Variants in NSG1 observed in about 807,000 individuals in gnomAD.
NSG1 encodes neuronal vesicle trafficking associated 1, also known as neuronal vesicle trafficking-associated protein 1.
Under a neutral mutation model 19.3 loss-of-function variants are expected in NSG1, and 9 were observed. That is an observed-to-expected ratio of 0.47 (90% confidence interval 0.28 to 0.81). The LOEUF (loss-of-function observed/expected upper bound fraction) is 0.81. NSG1 is among the 40% of genes least tolerant of loss of function. The probability of loss-of-function intolerance (pLI) is 0.11; values close to 1 mark genes in which losing one functional copy is unlikely to be tolerated. For missense variants in NSG1, 236 were observed against 242.4 expected (o/e 0.97, Z 0.18); for synonymous variants, 104 against 107.0 (o/e 0.97, Z 0.17).
intron 3 of NSG1, among the ~76,000 whole-genome samples, chr4:4,409,058 G>C (rs1724021713): frequency 1.3e-5 from 2 of 152,270 alleles, no homozygotes; most frequent in Non-Finnish European, 2.9e-5. Flanking sequence ...GAGGGCGAAG[G>C]CCAATGGGGC....
In NSG1 at chr4:4,409,693, C is replaced by G; in HGVS notation, c.357+10C>G. 1 of 1,606,744 alleles carries G rather than the reference C, an allele frequency of 6.2e-7. No homozygotes were observed. The highest frequency in any genetic ancestry group is 8.5e-7 in the Non-Finnish European group (1 of 1,173,300). ...TGGGTTCGTCCTCAAGGTAAAACTCCGTTTTCCCCCAGAGGCCCTGGGACG... is the reference window on the plus strand; with the variant it reads ...TGGGTTCGTCCTCAAGGTAAAACTCGGTTTTCCCCCAGAGGCCCTGGGACG... On this transcript the variant is annotated intron_variant, in intron 4 of 4. Transcript: ENST00000621129.
intron 3 of NSG1, among the ~76,000 whole-genome samples, chr4:4,396,801 C>T (rs1723273641): frequency 6.6e-6 from 1 of 151,638 alleles, no homozygotes; most frequent in Non-Finnish European, 1.5e-5. Flanking sequence ...TTTCAAGATG[C>T]ATTTCTTAAA....
chr4:4,409,007 C>T (rs985991816), intron 3 of NSG1, among the ~76,000 whole-genome samples: 3 of 152,290 alleles, frequency 2.0e-5, no homozygotes, highest in African/African-American at 7.2e-5. Context: ...AACCGAATCC[C>T]TGTCCCTGAG....
rs566867513 is a variant in NSG1 at position 4,409,033 on chromosome 4, A to T, written c.247-540A>T. On this transcript the variant is annotated intron_variant, in intron 3 of 4. Coordinates refer to ENST00000621129, the MANE Select transcript of NSG1 (RefSeq NM_014392.5). The stretch of plus-strand genomic sequence containing the variant: ...TGTCCCTGAGGACACTTAATTAACC[A>T]CATGGGAAACCGCCGAGGGCGAAGG... Among the ~76,000 whole-genome samples the T allele has an allele frequency of 8.5e-5, 13 of 152,372 alleles. No homozygotes were observed. In the East Asian group the frequency reaches 2.1e-3, roughly 25 times the overall value.
At position 4,417,736 on chromosome 4, in the gene NSG1, G is replaced by A. The variant is rs1190423598; in HGVS notation, c.*301G>A. 3 of 405,354 alleles carry A rather than the reference G, an allele frequency of 7.4e-6. No individual in the cohort carries two copies. Among genetic ancestry groups the A allele is most frequent in the African/African-American group, 2.0e-5 (1 of 48,970 alleles). 25.1% of individuals were successfully genotyped at this position (405,354 alleles called of 1,614,324 possible). A position where few individuals can be genotyped will look rare whatever the true frequency, so the allele number is the denominator to read the frequency against. The stretch of plus-strand genomic sequence containing the variant: ...AAAAATAAATTTACACTGGATATGC[G>A]AAGGGTTTGGATCTCAGATAAATGC... On this transcript the variant is annotated 3_prime_UTR_variant, in exon 5 of 5. Transcript: ENST00000621129.
chr4:4,386,902 T>G (rs1404599886), upstream of NSG1: 1 of 151,756 alleles, frequency 6.6e-6, no homozygotes, highest in African/African-American at 2.4e-5. Context: ...CAGGGGAGGC[T>G]CCCGCCCAGC....
chr4:4,398,348 A>G lies in NSG1; in HGVS notation c.246+6757A>G, dbSNP rs777471194. On this transcript the variant is annotated intron_variant, in intron 3 of 4. Coordinates refer to ENST00000621129, the MANE Select transcript of NSG1 (RefSeq NM_014392.5). ...TATTAAATTCAGTGCCATTTAATAC[A>G]TTCACCATGTTGTCCAACCACCATC... Among the ~76,000 whole-genome samples, 232 of 152,158 alleles carry G rather than the reference A, an allele frequency of 1.5e-3. 1 individual carries two copies. The highest frequency in any genetic ancestry group is 1.4e-3 in the Non-Finnish European group (94 of 68,034).
At chr4:4,407,772 T>C (rs1394900066) in intron 3 of NSG1, among the ~76,000 whole-genome samples, 3 of 152,056 alleles carry the variant, frequency 2.0e-5, no homozygotes, top group East Asian at 1.9e-4. Flanking sequence ...TGTCGTCCCA[T>C]GTCATAGGGA....
intron 3 of NSG1, 135 bp from the exon 4 acceptor site, chr4:4,409,438 C>T (rs1449617627): frequency 3.0e-6 from 2 of 667,150 alleles, no homozygotes; most frequent in Admixed American, 2.4e-5. Flanking sequence ...CCTCTTGTGC[C>T]TAGCTGCCCT....
chr4:4,396,368 G>A (rs1723249415), intron 3 of NSG1, among the ~76,000 whole-genome samples: 2 of 152,180 alleles, frequency 1.3e-5, no homozygotes, highest in Non-Finnish European at 1.5e-5. Flanking sequence ...GGTTGCTGAC[G>A]CTGGAGAGGT....
At chr4:4,406,624 G>A (rs997825340) in intron 3 of NSG1, among the ~76,000 whole-genome samples, 1 of 152,116 alleles carries the variant, frequency 6.6e-6, no homozygotes, top group African/African-American at 2.4e-5. Context: ...CCAGTGAGGA[G>A]ATGAGAGTGA....
chr4:4,387,561 C>CCGGGGGGGGGGGG, intron 1 of NSG1, 43 bp from the exon 2 acceptor site: 76 of 1,141,894 alleles, frequency 6.7e-5, no homozygotes, highest in Non-Finnish European at 7.4e-5. Context: ...CGCCCCGCCC[C>CCGGGGGGGGGGGG]GGGTCTTGCT....
intron 3 of NSG1, among the ~76,000 whole-genome samples, chr4:4,396,921 C>A (rs1039935794): frequency 8.5e-5 from 13 of 152,120 alleles, no homozygotes; most frequent in African/African-American, 3.1e-4. Flanking sequence ...GCCCCCTCAC[C>A]TTTAGCTATG....
At chr4:4,397,254 C>A (rs1723303048) in intron 3 of NSG1, among the ~76,000 whole-genome samples, 1 of 152,004 alleles carries the variant, frequency 6.6e-6, no homozygotes, top group African/African-American at 2.4e-5. Context: ...AGCCACCCAG[C>A]GCCGTCGACC....
chr4:4,408,405 GC>G (rs1553819041), intron 3 of NSG1, among the ~76,000 whole-genome samples: 1 of 152,190 alleles, frequency 6.6e-6, no homozygotes, highest in Non-Finnish European at 1.5e-5. Context: ...GAGCCCCATC[GC>G]TCTCTCTGCC....
At chr4:4,415,765 G>T in intron 4 of NSG1, 1 of 284,006 alleles carries the variant, frequency 3.5e-6, no homozygotes, top group South Asian at 3.8e-5. Flanking sequence ...GCAGGACTCT[G>T]CTGGGTGCCG....
chr4:4,392,118 C>T (rs896591589), intron 3 of NSG1, among the ~76,000 whole-genome samples: 1 of 152,088 alleles, frequency 6.6e-6, no homozygotes, highest in African/African-American at 2.4e-5. Flanking sequence ...AGGATCTGAT[C>T]TGCAGGGGGT....
intron 3 of NSG1, among the ~76,000 whole-genome samples, chr4:4,399,004 A>T (rs1295180043): frequency 1.3e-5 from 2 of 152,130 alleles, no homozygotes; most frequent in African/African-American, 2.4e-5. Flanking sequence ...GTAGTATCTC[A>T]TTATGGTTTT....
chr4:4,403,978 G>A (rs893714461), intron 3 of NSG1, among the ~76,000 whole-genome samples: 4 of 152,240 alleles, frequency 2.6e-5, no homozygotes, highest in African/African-American at 9.6e-5. Flanking sequence ...ACATGCGGGA[G>A]GCATCTGGAG....
Sources: allele counts gnomAD v4.1 joint callset (sites outside exome capture counted in the v4.1 genomes callset), GRCh38; gene constraint gnomAD v4.1.1; transcripts MANE v1.5; gene names NCBI Gene and HGNC (gene_info 2026-07-23, HGNC 2026-07-21).